Variants in ANGPT1 observed in about 807,000 individuals in gnomAD.
The protein encoded by ANGPT1 is angiopoietin 1.
Under a neutral mutation model 62.2 loss-of-function variants are expected in ANGPT1, and 17 were observed. The observed-to-expected ratio is 0.27, with a 90% confidence interval of 0.19 to 0.41. ANGPT1 has a LOEUF of 0.41. ANGPT1 is among the 10% of genes least tolerant of loss of function. The pLI is 1.00. For synonymous variants in ANGPT1, 199 were observed against 198.9 expected, an observed-to-expected ratio of 1.00 and a Z score of 0.00; for missense variants, 478 against 594.9, an observed-to-expected ratio of 0.80 and a Z score of 2.04.
At chr8:107,373,736 T>C (rs1243296950) in intron 1 of ANGPT1, among the ~76,000 whole-genome samples, 1 of 152,230 alleles carries the variant, frequency 6.6e-6, no homozygotes, top group East Asian at 1.9e-4. Flanking sequence ...TCTAAGTGCC[T>C]CACTTTCCCT....
chr8:107,351,509 CTGAT>C (rs1815932640), intron 1 of ANGPT1, among the ~76,000 whole-genome samples: 1 of 151,850 alleles, frequency 6.6e-6, no homozygotes, highest in African/African-American at 2.4e-5. Context: ...GATTAGTTGA[CTGAT>C]AATTTCAATT....
intron 4 of ANGPT1, among the ~76,000 whole-genome samples, chr8:107,304,730 T>G (rs9886555): frequency 0.022 from 3,385 of 152,002 alleles, 127 homozygotes; most frequent in African/African-American, 0.073. Flanking sequence ...ATGAAATATT[T>G]ATGTCAGATA....
chr8:107,481,180 G>A (rs919976508), intron 1 of ANGPT1, among the ~76,000 whole-genome samples: 6 of 152,006 alleles, frequency 3.9e-5, no homozygotes, highest in African/African-American at 1.4e-4. Flanking sequence ...AAAGCATTAG[G>A]CATCCACCTT....
chr8:107,418,186 A>G (rs1203317871), intron 1 of ANGPT1, among the ~76,000 whole-genome samples: 2 of 152,208 alleles, frequency 1.3e-5, no homozygotes, highest in Non-Finnish European at 2.9e-5. Context: ...CAACATATGC[A>G]GTGAAAATTA....
intron 1 of ANGPT1, among the ~76,000 whole-genome samples, chr8:107,460,577 A>C (rs908735063): frequency 3.3e-5 from 5 of 152,182 alleles, no homozygotes; most frequent in South Asian, 2.1e-4. Flanking sequence ...TGATCTGTGT[A>C]AATCCCTGCT....
chr8:107,452,574 A>C (rs1811806592), intron 1 of ANGPT1, among the ~76,000 whole-genome samples: 1 of 151,892 alleles, frequency 6.6e-6, no homozygotes, highest in Non-Finnish European at 1.5e-5. Flanking sequence ...ATATTTTATA[A>C]ATTGGGAGAA....
intron 8 of ANGPT1, among the ~76,000 whole-genome samples, chr8:107,263,286 G>A (rs1813536133): frequency 6.7e-6 from 1 of 148,558 alleles, no homozygotes; most frequent in South Asian, 2.1e-4. Flanking sequence ...CCCAGGAGGT[G>A]GAGGCTGCAG....
intron 7 of ANGPT1, among the ~76,000 whole-genome samples, chr8:107,280,193 T>C (rs915569981): frequency 1.3e-5 from 2 of 151,860 alleles, no homozygotes; most frequent in Admixed American, 6.6e-5. Context: ...GATGTTACTT[T>C]CTTTCTTTTT....
chr8:107,268,687 G>A (rs1056333137), intron 7 of ANGPT1, among the ~76,000 whole-genome samples: 7 of 152,000 alleles, frequency 4.6e-5, no homozygotes, highest in Non-Finnish European at 1.0e-4. Context: ...TAAGGTTAGT[G>A]TTTCAGCTAA....
At chr8:107,335,741 T>G (rs1441346587) in intron 3 of ANGPT1, among the ~76,000 whole-genome samples, 1 of 152,212 alleles carries the variant, frequency 6.6e-6, no homozygotes, top group African/African-American at 2.4e-5. Flanking sequence ...CGCTGTAGCT[T>G]TGTAAAAGCC....
chr8:107,317,932 A>G (rs1815058473), intron 4 of ANGPT1, among the ~76,000 whole-genome samples: 1 of 152,088 alleles, frequency 6.6e-6, no homozygotes, highest in African/African-American at 2.4e-5. Flanking sequence ...CGCCTGGCCA[A>G]CTAGTGGTTT....
At chr8:107,274,851 T>G (rs1813824231) in intron 7 of ANGPT1, among the ~76,000 whole-genome samples, 1 of 152,048 alleles carries the variant, frequency 6.6e-6, no homozygotes, top group African/African-American at 2.4e-5. Flanking sequence ...TTTCGAGACA[T>G]GTGCCAAGCA....
In ANGPT1 at chr8:107,440,022, G is replaced by A. The variant is rs181932219; in HGVS notation, c.297+57240C>T. Among the ~76,000 whole-genome samples, 5 of 152,266 alleles carry A rather than the reference G, an allele frequency of 3.3e-5. No homozygotes were observed. The East Asian group carries it at 9.7e-4, about 29-fold the overall frequency. Reference sequence around the variant, plus strand: ...AGGGAAAGCAGAATAGATGGGCTAAGGAGGGATCATAATTCCCTTTTCTTC... The same window carrying A: ...AGGGAAAGCAGAATAGATGGGCTAAAGAGGGATCATAATTCCCTTTTCTTC... On this transcript the variant is annotated intron_variant, in intron 1 of 8. Transcript: ENST00000517746.
At chr8:107,425,817 T>C (rs1300750009) in intron 1 of ANGPT1, among the ~76,000 whole-genome samples, 1 of 152,184 alleles carries the variant, frequency 6.6e-6, no homozygotes, top group East Asian at 1.9e-4. Flanking sequence ...CCCCAAGAGC[T>C]GGTTTCCATC....
At chr8:107,375,800 A>G (rs987851678) in intron 1 of ANGPT1, among the ~76,000 whole-genome samples, 11 of 152,154 alleles carry the variant, frequency 7.2e-5, no homozygotes, top group African/African-American at 2.7e-4. Context: ...CATGAGAAAC[A>G]CTGAGAAGCT....
intron 1 of ANGPT1, among the ~76,000 whole-genome samples, chr8:107,382,956 A>G (rs1387207744): frequency 2.0e-5 from 3 of 152,208 alleles, no homozygotes; most frequent in Non-Finnish European, 4.4e-5. Flanking sequence ...AAATAGATGT[A>G]ACCAAGCTAA....
intron 1 of ANGPT1, among the ~76,000 whole-genome samples, chr8:107,421,212 A>G (rs1457250955): frequency 6.6e-6 from 1 of 152,196 alleles, no homozygotes; most frequent in Non-Finnish European, 1.5e-5. Context: ...GGTAAAATGT[A>G]TAACCTTCAT....
Position 107,310,504 on chromosome 8 carries a change from TATAAGCC to T in ANGPT1, c.809-7144_809-7138del, listed in dbSNP as rs1235587926. Among the ~76,000 whole-genome samples the T allele has an allele frequency of 2.0e-5, 3 of 152,240 alleles. No homozygotes were observed. In the East Asian group the frequency reaches 5.8e-4, roughly 29 times the overall value. ...ACACCCAAGGTCCTGAGTTATTCAG[TATAAGCC>T]ATAAGTCTGAAAGGGTACAGCCTCA... On this transcript the variant is annotated intron_variant, in intron 4 of 8. Coordinates refer to ENST00000517746, the MANE Select transcript of ANGPT1 (RefSeq NM_001146.5).
At chr8:107,280,063 T>C (rs1813964342) in intron 7 of ANGPT1, among the ~76,000 whole-genome samples, 1 of 152,064 alleles carries the variant, frequency 6.6e-6, no homozygotes, top group Non-Finnish European at 1.5e-5. Context: ...TAATCTGAAG[T>C]GGAATTTTGG....
Sources: gnomAD v4.1 joint callset for allele counts (sites outside exome capture counted in the v4.1 genomes callset) on GRCh38, gnomAD v4.1.1 for gene constraint, MANE v1.5 for transcripts, NCBI Gene and HGNC (gene_info 2026-07-23, HGNC 2026-07-21) for gene names.